SPEN: variants seen among roughly 807,000 people sequenced by gnomAD.
SPEN encodes msx2-interacting protein.
Under a neutral mutation model 269.9 loss-of-function variants are expected in SPEN, and 18 were observed. The observed-to-expected ratio is 0.07, with a 90% CI of 0.05 to 0.10. SPEN has a LOEUF of 0.10. Among genes scored for constraint, SPEN ranks in the 10% least tolerant of loss-of-function variants. The pLI, the probability that SPEN is intolerant of heterozygous loss-of-function variation, is 1.00. For missense variants in SPEN, 3,822 were observed against 4,631.2 expected, an observed-to-expected ratio of 0.83 and a Z score of 5.07; for synonymous variants, 1,726 against 1,765.7, an observed-to-expected ratio of 0.98 and a Z score of 0.56.
intron 10 of SPEN, among the ~76,000 whole-genome samples, chr1:15,923,893 C>T (rs528761580): frequency 7.2e-5 from 11 of 152,234 alleles, no homozygotes; most frequent in African/African-American, 2.6e-4. Context: ...TGGTCTTGAA[C>T]TCCTGACCTC....
rs758021909 is a variant in SPEN at position 15,933,924 on chromosome 1, G to T, written c.7684G>T (p.Val2562Phe). The T allele has an allele frequency of 6.2e-7, 1 of 1,613,946 alleles. No homozygotes were observed. The highest frequency in any genetic ancestry group is 8.5e-7 in the Non-Finnish European group (1 of 1,180,026). The change falls in exon 11 of 15, where the codon GTC becomes TTC. Residue 2562 changes from valine to phenylalanine, a missense_variant. This residue lies in a region of SPEN where 727 missense variants were observed against 737.9 expected (regional missense o/e 0.99). Transcript: ENST00000375759. The surrounding 1 kb of genome is among the most constrained non-coding windows in gnomAD (Gnocchi z 5.7). ...TGTCACCACAGCCATTGCAGAGCCT[G>T]TCAGTGCTGCCCCTTGCCTACATGA... Reference protein sequence around the residue: ...TSVTTAIAEPVSAAPCLHEAP... With the variant: ...TSVTTAIAEPFSAAPCLHEAP...
Position 15,928,267 on chromosome 1 carries a change from A to T in SPEN, c.2027A>T (p.Asp676Val), listed in dbSNP as rs2071186995. ...GDYYESRYYD[D>V]PREYRDYRND... ...TACTATGAATCACGATACTACGATGATCCTCGGGAATACAGGGATTACAGG... is the reference window on the plus strand; with the variant it reads ...TACTATGAATCACGATACTACGATGTTCCTCGGGAATACAGGGATTACAGG... Residue 676 changes from aspartate (D) to valine (V), a missense_variant, in exon 11 of 15, where the codon GAT (aspartate) becomes GTT (valine). This residue lies in a region of SPEN where 572 missense variants were observed against 582.6 expected (regional missense o/e 0.98). Coordinates refer to ENST00000375759, the MANE Select transcript of SPEN (RefSeq NM_015001.3). The surrounding 1 kb of genome is among the most constrained non-coding windows in gnomAD (Gnocchi z 5.7). 1 of 1,614,190 alleles carries T rather than the reference A, an allele frequency of 6.2e-7. No individual in the cohort carries two copies. Among genetic ancestry groups the T allele is most frequent in the Non-Finnish European group, 8.5e-7 (1 of 1,180,020 alleles).
intron 3 of SPEN, among the ~76,000 whole-genome samples, chr1:15,885,125 A>G (rs1488913098): frequency 6.6e-6 from 1 of 152,234 alleles, no homozygotes; most frequent in African/African-American, 2.4e-5. Context: ...TTTATTATCC[A>G]AAGTTACCTA....
chr1:15,861,453 G>A (rs1475858208), intron 1 of SPEN, among the ~76,000 whole-genome samples: 1 of 152,028 alleles, frequency 6.6e-6, no homozygotes, highest in African/African-American at 2.4e-5. Context: ...ATGGAGTAAG[G>A]ATAAAAGTCA....
intron 5 of SPEN, among the ~76,000 whole-genome samples, chr1:15,915,327 G>A (rs12046015): frequency 0.064 from 9,675 of 152,088 alleles, 355 homozygotes; most frequent in South Asian, 0.15. Context: ...AACAGGCTGG[G>A]GGGGTGGAAA....
chr1:15,861,115 C>T (rs2148705374), intron 1 of SPEN, among the ~76,000 whole-genome samples: 1 of 150,482 alleles, frequency 6.6e-6, no homozygotes. Context: ...GGTTTCATCA[C>T]ATTGGTCAGG....
chr1:15,901,928 G>GTTTTT (rs35730805), intron 3 of SPEN, among the ~76,000 whole-genome samples: 1 of 100,280 alleles, frequency 1.0e-5, no homozygotes, highest in Non-Finnish European at 1.9e-5. Flanking sequence ...TATTTATTTA[G>GTTTTT]TTTTTTTTTT....
intron 5 of SPEN, among the ~76,000 whole-genome samples, chr1:15,913,941 C>G (rs2071034152): frequency 6.6e-6 from 1 of 152,150 alleles, no homozygotes; most frequent in South Asian, 2.1e-4. Flanking sequence ...TTAATAGTTG[C>G]AAATCATGCT....
chr1:15,850,832 C>T (rs928313728), intron 1 of SPEN, among the ~76,000 whole-genome samples: 9 of 152,168 alleles, frequency 5.9e-5, no homozygotes, highest in African/African-American at 1.9e-4. Flanking sequence ...TTGTACAAAT[C>T]AGAATGAGAA....
At chr1:15,891,980 A>T (rs2070793817) in intron 3 of SPEN, among the ~76,000 whole-genome samples, 2 of 140,580 alleles carry the variant, frequency 1.4e-5, no homozygotes, top group Admixed American at 7.1e-5. Context: ...AATAAAGCAT[A>T]TTACTACATT....
rs1047013063 is a variant in SPEN at position 15,940,277 on chromosome 1, C to T, written c.*850C>T. 5 of 233,152 alleles carry T rather than the reference C, an allele frequency of 2.1e-5. No individual in the cohort carries two copies. The highest frequency in any genetic ancestry group is 6.6e-5 in the African/African-American group (3 of 45,376). 14.4% of individuals were successfully genotyped at this position (233,152 alleles called of 1,614,324 possible). A position where few individuals can be genotyped will look rare whatever the true frequency, so the allele number is the denominator to read the frequency against. ...TTCGGTACAGCACGGGTCCTGCTCC[C>T]GCGATGTGGAAGTGTCACACGGCAC... On this transcript the variant is annotated 3_prime_UTR_variant, in exon 15 of 15. Coordinates refer to ENST00000375759, the MANE Select transcript of SPEN (RefSeq NM_015001.3).
chr1:15,937,011 G>C lies in SPEN; in HGVS notation c.10027-152G>C. On this transcript the variant is annotated intron_variant, in intron 11 of 14. Coordinates refer to ENST00000375759, the MANE Select transcript of SPEN (RefSeq NM_015001.3). The surrounding 1 kb of genome is among the most constrained non-coding windows in gnomAD (Gnocchi z 5.7). Reference sequence around the variant, plus strand: ...CTCCTTACCTGGAACCCCGAAAGCAGCTCCGTTGATTCAGGCTCCTTCTGT... The same window carrying C: ...CTCCTTACCTGGAACCCCGAAAGCACCTCCGTTGATTCAGGCTCCTTCTGT... 1 of 1,201,358 alleles carries C rather than the reference G, an allele frequency of 8.3e-7. No homozygotes were observed. Among genetic ancestry groups the C allele is most frequent in the Non-Finnish European group, 1.2e-6 (1 of 859,868 alleles). 74.4% of individuals were successfully genotyped at this position (1,201,358 alleles called of 1,614,324 possible). A position where few individuals can be genotyped will look rare whatever the true frequency, so the allele number is the denominator to read the frequency against.
In SPEN at chr1:15,872,188, A is replaced by G. The variant is rs370789936; in HGVS notation, c.84-628A>G. ...GGGAGTTGGAGGTTACAGTAAGTGC[A>G]CTCCAGTCTGGGTGACAGAGTGAGA... On this transcript the variant is annotated intron_variant, in intron 1 of 14. Coordinates refer to ENST00000375759, the MANE Select transcript of SPEN (RefSeq NM_015001.3). Among the ~76,000 whole-genome samples the G allele has an allele frequency of 1.9e-4, 28 of 144,054 alleles. No homozygotes were observed. In the East Asian group the frequency reaches 4.4e-3, roughly 23 times the overall value. 94.5% of individuals were successfully genotyped at this position (144,054 alleles called of 152,430 possible).
Position 15,876,234 on chromosome 1 carries a change from A to G in SPEN, c.437A>G (p.His146Arg). The change falls in exon 3 of 15, where the codon CAT (histidine) becomes CGT (arginine). Residue 146 changes from histidine to arginine, a missense_variant. By Grantham distance (29) the His-to-Arg change is conservative. Coordinates refer to ENST00000375759, the MANE Select transcript of SPEN (RefSeq NM_015001.3). Reference sequence around the variant, plus strand: ...GATAACAGGGAGCGTGCTTATGAACATAGTGCCTATGGACACCATGAACGG... The same window carrying G: ...GATAACAGGGAGCGTGCTTATGAACGTAGTGCCTATGGACACCATGAACGG... ...ASDNRERAYE[H>R]SAYGHHERGT... 1.2e-6 allele frequency: 2 copies of G among 1,614,092 alleles called. No individual in the cohort carries two copies. The highest frequency in any genetic ancestry group is 1.7e-6 in the Non-Finnish European group (2 of 1,179,960).
intron 3 of SPEN, among the ~76,000 whole-genome samples, chr1:15,890,409 C>G (rs1294221482): frequency 6.6e-6 from 1 of 151,474 alleles, no homozygotes; most frequent in African/African-American, 2.4e-5. Flanking sequence ...TTTTTGTATT[C>G]TTAGTAGAGA....
chr1:15,861,193 G>T (rs2070444714), intron 1 of SPEN, among the ~76,000 whole-genome samples: 1 of 150,778 alleles, frequency 6.6e-6, no homozygotes, highest in Admixed American at 6.6e-5. Flanking sequence ...AGTGCAGATG[G>T]TGTGGTCTCG....
At position 15,934,427 on chromosome 1, in the gene SPEN, G is replaced by A. The variant is rs373641921; in HGVS notation, c.8187G>A (p.Ala2729=). The change falls in exon 11 of 15, where the codon GCG becomes GCA. Residue 2729 remains alanine (A), a synonymous_variant. Transcript: ENST00000375759. This position sits in a 1 kb window ranked among gnomAD's most constrained non-coding sequence, Gnocchi z 9.2. The part of the protein sequence containing the change: ...NAAPGTVNAA[A]SAVNATASAV... ...CCCCAGGCACAGTCAATGCCGCTGC[G>A]AGTGCAGTGAATGCCACAGCAAGTG... is the stretch of plus-strand genomic sequence containing the variant. The A allele has an allele frequency of 1.5e-5, 24 of 1,613,796 alleles. No individual in the cohort carries two copies. The highest frequency in any genetic ancestry group is 1.9e-5 in the Non-Finnish European group (23 of 1,180,038).
At chr1:15,849,834 G>A (rs2070315516) in intron 1 of SPEN, among the ~76,000 whole-genome samples, 1 of 152,110 alleles carries the variant, frequency 6.6e-6, no homozygotes, top group Non-Finnish European at 1.5e-5. Context: ...CCACTTAGAT[G>A]TGCTCACTTT....
chr1:15,937,327 G>A lies in SPEN; in HGVS notation c.10191G>A (p.Thr3397=), dbSNP rs145237335. ...CCCAGGAGGCAAAGGGGACCCAGAC[G>A]GGAGTAGAGCAGCCTCGCCTCCCAG... ...QVSQEAKGTQ[T]GVEQPRLPAG... Residue 3397 remains threonine (T), a synonymous_variant, in exon 12 of 15, where the codon ACG becomes ACA. Coordinates refer to ENST00000375759, the MANE Select transcript of SPEN (RefSeq NM_015001.3). The surrounding 1 kb of genome is among the most constrained non-coding windows in gnomAD (Gnocchi z 5.7). 6.8e-6 allele frequency: 11 copies of A among 1,613,800 alleles called. No homozygotes were observed. The highest frequency in any genetic ancestry group is 2.2e-5 in the East Asian group (1 of 44,866).
Sources: allele counts gnomAD v4.1 joint callset (sites outside exome capture counted in the v4.1 genomes callset), GRCh38; gene constraint gnomAD v4.1.1; regional missense constraint gnomAD v4.1.1; non-coding constraint Gnocchi (gnomAD v3.1); transcripts MANE v1.5; gene names NCBI Gene and HGNC (gene_info 2026-07-23, HGNC 2026-07-21).